ADAMTS19: variants seen among roughly 807,000 people sequenced by gnomAD.
ADAMTS19 encodes A disintegrin and metalloproteinase with thrombospondin motifs 19.
A neutral mutation model predicts 153.3 loss-of-function variants in ADAMTS19; 93 were observed. The ratio of observed to expected loss-of-function variants is 0.61; its 90% CI spans 0.51 to 0.72. ADAMTS19 has a LOEUF of 0.72. Ranked by LOEUF, ADAMTS19 falls within the 30% of genes least tolerant of loss-of-function variation. ADAMTS19 has a pLI of 0.00. For missense variants in ADAMTS19, 1,482 were observed against 1,552.1 expected, an observed-to-expected ratio of 0.95 and a Z score of 0.76; for synonymous variants, 600 against 556.6, an observed-to-expected ratio of 1.08 and a Z score of -1.10.
At chr5:129,539,754 G>T (rs1420340844) in intron 6 of ADAMTS19, among the ~76,000 whole-genome samples, 1 of 151,840 alleles carries the variant, frequency 6.6e-6, no homozygotes, top group Non-Finnish European at 1.5e-5. Context: ...ATTTATTTAG[G>T]GTAGATTAAA....
chr5:129,486,372 A>G (rs1055426174), intron 2 of ADAMTS19, among the ~76,000 whole-genome samples: 1 of 152,188 alleles, frequency 6.6e-6, no homozygotes, highest in Non-Finnish European at 1.5e-5. Flanking sequence ...AGTAGATAAA[A>G]AGAATAATAC....
chr5:129,735,673 G>A (rs1260779541), intron 22 of ADAMTS19, among the ~76,000 whole-genome samples: 1 of 151,916 alleles, frequency 6.6e-6, no homozygotes, highest in Non-Finnish European at 1.5e-5. Flanking sequence ...TATTTACATT[G>A]TTTTATGTTA....
chr5:129,717,686 A>C (rs1414313927), intron 21 of ADAMTS19, among the ~76,000 whole-genome samples: 1 of 152,228 alleles, frequency 6.6e-6, no homozygotes, highest in Non-Finnish European at 1.5e-5. Flanking sequence ...TATCTACCTT[A>C]GAAAAGAAGT....
At chr5:129,650,092 G>A (rs1193277775) in intron 13 of ADAMTS19, among the ~76,000 whole-genome samples, 1 of 152,150 alleles carries the variant, frequency 6.6e-6, no homozygotes, top group Non-Finnish European at 1.5e-5. Context: ...GCTGAGGCAA[G>A]CCCAGGAGGC....
chr5:129,492,596 CCACAT>C (rs1750805193), intron 2 of ADAMTS19, among the ~76,000 whole-genome samples: 1 of 150,718 alleles, frequency 6.6e-6, no homozygotes, highest in Admixed American at 6.6e-5. Flanking sequence ...TGTAACCACA[CCACAT>C]AATAAATTTG....
At chr5:129,581,909 G>A (rs779396262) in intron 7 of ADAMTS19, among the ~76,000 whole-genome samples, 8 of 151,986 alleles carry the variant, frequency 5.3e-5, no homozygotes, top group East Asian at 1.9e-4. Flanking sequence ...GTAGTTGTGC[G>A]GTTTTGAGTG....
chr5:129,508,937 G>A, intron 2 of ADAMTS19, 140 bp from the exon 3 acceptor site: 1 of 559,106 alleles, frequency 1.8e-6, no homozygotes, highest in Non-Finnish European at 3.0e-6. Context: ...TAGTTACCTT[G>A]CTAGTGGGGT....
rs150324710 is a variant in ADAMTS19, at chr5:129,571,242, T to C, written c.1372+19335T>C. Reference sequence around the variant, plus strand: ...AGAATATAAGATTAACCCACAAAAATCTAATGTATTTTTATGTACTAGAAT... The same window carrying C: ...AGAATATAAGATTAACCCACAAAAACCTAATGTATTTTTATGTACTAGAAT... On this transcript the variant is annotated intron_variant, in intron 7 of 22. Transcript: ENST00000274487. Among the ~76,000 whole-genome samples, 626 of 151,920 alleles carry C rather than the reference T, an allele frequency of 4.1e-3. 4 individuals are homozygous for C. Among genetic ancestry groups the C allele is most frequent in the Middle Eastern group, 0.01 (3 of 294 alleles).
Position 129,509,038 on chromosome 5 carries a change from T to A in ADAMTS19, c.748-39T>A, listed in dbSNP as rs745896494. The stretch of plus-strand genomic sequence containing the variant: ...AAGAATCTAAAAGTATTTTTTCAAA[T>A]GATATTTCTTACATATCTTTTTGTG... On this transcript the variant is annotated intron_variant, in intron 2 of 22. Coordinates refer to ENST00000274487, the MANE Select transcript of ADAMTS19 (RefSeq NM_133638.6). The A allele has an allele frequency of 4.8e-6, 7 of 1,465,096 alleles. No homozygotes were observed. The African/African-American group carries it at 1.0e-4, about 21-fold the overall frequency. 90.8% of individuals were successfully genotyped at this position (1,465,096 alleles called of 1,614,324 possible).
chr5:129,608,116 G>GTATATATATATATATATAATATA lies in ADAMTS19; in HGVS notation c.1478+11470_1478+11471insATATATATATATATATATATATA, dbSNP rs1751013421. ...TGTGTGTGTGTGTGTGTGTGTGTGT[G>GTATATATATATATATATAATATA]TATATATATATATATATATATATAA... On this transcript the variant is annotated intron_variant, in intron 8 of 22. Transcript: ENST00000274487. Among the ~76,000 whole-genome samples the GTATATATATATATATATAATATA allele has an allele frequency of 9.2e-4, 44 of 47,952 alleles. No homozygotes were observed. In the South Asian group the frequency reaches 0.023, roughly 25 times the overall value. 31.5% of individuals were successfully genotyped at this position (47,952 alleles called of 152,430 possible). A position where few individuals can be genotyped will look rare whatever the true frequency, so the allele number is the denominator to read the frequency against.
chr5:129,539,824 G>T (rs1752596062), intron 6 of ADAMTS19, among the ~76,000 whole-genome samples: 1 of 152,014 alleles, frequency 6.6e-6, no homozygotes, highest in Non-Finnish European at 1.5e-5. Flanking sequence ...CTGGCAAACT[G>T]TTCTCCCTTT....
chr5:129,578,100 ATACATATGCATGTATATGTACGTATACG>A (rs1749275531), intron 7 of ADAMTS19, among the ~76,000 whole-genome samples: 1 of 135,400 alleles, frequency 7.4e-6, no homozygotes, highest in East Asian at 2.2e-4. Context: ...ATACATACAT[ATACATATGCATGTATATGTACGTATACG>A]TACATATACC....
At chr5:129,626,636 A>G (rs1463566400) in intron 10 of ADAMTS19, among the ~76,000 whole-genome samples, 2 of 152,098 alleles carry the variant, frequency 1.3e-5, no homozygotes, top group Admixed American at 6.6e-5. Flanking sequence ...GACGATAGAT[A>G]GGTAGCTAGA....
rs537487860 is a variant in ADAMTS19 at position 129,574,780 on chromosome 5, T to C, written c.1373-21779T>C. Among the ~76,000 whole-genome samples, 11 of 151,854 alleles carry C rather than the reference T, an allele frequency of 7.2e-5. No individual in the cohort carries two copies. The East Asian group carries it at 2.1e-3, about 29-fold the overall frequency. On this transcript the variant is annotated intron_variant, in intron 7 of 22. Transcript: ENST00000274487. ...CTCATTTGACCTTCTTTATACTTAATGCAGAAAAAGGTAAAAAAGCATCTA... is the reference window on the plus strand; with the variant it reads ...CTCATTTGACCTTCTTTATACTTAACGCAGAAAAAGGTAAAAAAGCATCTA...
intron 3 of ADAMTS19, among the ~76,000 whole-genome samples, chr5:129,515,224 A>AT (rs912480836): frequency 3.3e-5 from 5 of 151,680 alleles, no homozygotes; most frequent in African/African-American, 1.2e-4. Flanking sequence ...AGGTAATTTG[A>AT]TTCCCCCAGT....
At chr5:129,674,267 T>A (rs1754451765) in intron 16 of ADAMTS19, among the ~76,000 whole-genome samples, 1 of 152,152 alleles carries the variant, frequency 6.6e-6, no homozygotes, top group South Asian at 2.1e-4. Flanking sequence ...TTTTTTTTAA[T>A]ATTTAGTGTT....
At chr5:129,702,384 C>T (rs1006163358) in intron 20 of ADAMTS19, among the ~76,000 whole-genome samples, 3 of 152,112 alleles carry the variant, frequency 2.0e-5, no homozygotes, top group Non-Finnish European at 4.4e-5. Context: ...CACCTACACA[C>T]ATAAAAAGGA....
intron 2 of ADAMTS19, among the ~76,000 whole-genome samples, chr5:129,481,118 T>C (rs1413630153): frequency 5.9e-5 from 9 of 152,136 alleles, no homozygotes; most frequent in Non-Finnish European, 1.5e-5. Flanking sequence ...CTGAGACTAG[T>C]TAATTTATAA....
rs558023804 is a variant in ADAMTS19 at position 129,693,048 on chromosome 5, C to G, written c.2819-1672C>G. Among the ~76,000 whole-genome samples, 92 of 152,292 alleles carry G rather than the reference C, an allele frequency of 6.0e-4. 1 individual carries two copies. Among genetic ancestry groups the G allele is most frequent in the East Asian group, 4.3e-3 (22 of 5,176 alleles). On this transcript the variant is annotated intron_variant, in intron 18 of 22. Transcript: ENST00000274487. The stretch of plus-strand genomic sequence containing the variant: ...CTAAAGGTCCAAATGGTTTTAATAA[C>G]ATTATATGCAATAACCACAGAATTA...
Sources: gnomAD v4.1 joint callset for allele counts (sites outside exome capture counted in the v4.1 genomes callset) on GRCh38, gnomAD v4.1.1 for gene constraint, MANE v1.5 for transcripts, NCBI Gene and HGNC (gene_info 2026-07-23, HGNC 2026-07-21) for gene names.